GTF2F2: variants seen among roughly 807,000 people sequenced by gnomAD.
The protein encoded by GTF2F2 is general transcription factor IIF subunit 2, also known as ATP-dependent helicase GTF2F2.
GTF2F2 carries 23 observed loss-of-function variants against 42.2 expected under a neutral mutation model. The ratio of observed to expected loss-of-function variants is 0.55; its 90% CI spans 0.39 to 0.77. The LOEUF is 0.77. Ranked by LOEUF, GTF2F2 falls within the 30% of genes least tolerant of loss-of-function variation. The pLI, the probability that GTF2F2 is intolerant of heterozygous loss-of-function variation, is 0.00. For synonymous variants in GTF2F2, 105 were observed against 100.8 expected, an observed-to-expected ratio of 1.04 and a Z score of -0.25; for missense variants, 261 against 287.2, an observed-to-expected ratio of 0.91 and a Z score of 0.66.
At chr13:45,134,396 G>A (rs915292558) in intron 1 of GTF2F2, among the ~76,000 whole-genome samples, 1 of 151,976 alleles carries the variant, frequency 6.6e-6, no homozygotes, top group African/African-American at 2.4e-5. Context: ...CTGAGGTGGG[G>A]GTCTGCCAAA....
intron 1 of GTF2F2, among the ~76,000 whole-genome samples, chr13:45,129,189 A>G (rs898758298): frequency 6.6e-6 from 1 of 151,864 alleles, no homozygotes; most frequent in African/African-American, 2.4e-5. Context: ...AAAATGTCCT[A>G]CTCTACTATT....
intron 5 of GTF2F2, among the ~76,000 whole-genome samples, chr13:45,211,882 G>A (rs1314309850): frequency 6.6e-6 from 1 of 152,122 alleles, no homozygotes; most frequent in Non-Finnish European, 1.5e-5. Context: ...CACTGCGCCA[G>A]CCCAGGCTCA....
At chr13:45,275,231 G>A (rs1480005862) in intron 7 of GTF2F2, among the ~76,000 whole-genome samples, 2 of 152,124 alleles carry the variant, frequency 1.3e-5, no homozygotes, top group Non-Finnish European at 2.9e-5. Context: ...CTCAGTATGA[G>A]AGATTGGCTC....
chr13:45,134,498 T>C (rs1869516323), intron 1 of GTF2F2, among the ~76,000 whole-genome samples: 1 of 152,162 alleles, frequency 6.6e-6, no homozygotes, highest in Non-Finnish European at 1.5e-5. Flanking sequence ...ACCTTAAAGC[T>C]ACCTCTGGAA....
At chr13:45,191,224 A>AAAAAAAAAAAT in intron 4 of GTF2F2, among the ~76,000 whole-genome samples, 31 of 75,310 alleles carry the variant, frequency 4.1e-4, no homozygotes, top group African/African-American at 3.0e-3. Context: ...ACAAAAAAAA[A>AAAAAAAAAAAT]ATATATATAT....
chr13:45,265,181 C>T (rs1386075544), intron 6 of GTF2F2, among the ~76,000 whole-genome samples: 1 of 151,962 alleles, frequency 6.6e-6, no homozygotes, highest in Non-Finnish European at 1.5e-5. Context: ...ATCACTTGAA[C>T]CCAGGAGGTG....
At chr13:45,263,186 T>G (rs1056079754) in intron 6 of GTF2F2, among the ~76,000 whole-genome samples, 10 of 152,168 alleles carry the variant, frequency 6.6e-5, no homozygotes, top group Non-Finnish European at 1.5e-4. Context: ...TGTTTCTGTT[T>G]TGTTCTTGCT....
intron 1 of GTF2F2, 48 bp from the exon 2 acceptor site, chr13:45,136,685 A>C (rs936259854): frequency 1.1e-6 from 1 of 950,422 alleles, no homozygotes; most frequent in South Asian, 1.4e-5. Flanking sequence ...ATGTTTGAAA[A>C]GATGTTAGCA....
intron 4 of GTF2F2, among the ~76,000 whole-genome samples, chr13:45,168,903 C>CCTT (rs1871447821): frequency 2.2e-4 from 2 of 8,912 alleles, no homozygotes; most frequent in Non-Finnish European, 2.8e-3. Flanking sequence ...CTCCCTCCCT[C>CCTT]CCTCCTCCTT....
At chr13:45,260,757 C>T (rs148000970) in intron 6 of GTF2F2, among the ~76,000 whole-genome samples, 187 of 152,316 alleles carry the variant, frequency 1.2e-3, no homozygotes, top group African/African-American at 3.6e-3. Context: ...TGGTGGTTCA[C>T]ACCTGTAATC....
chr13:45,262,575 G>A (rs1384797791), intron 6 of GTF2F2, among the ~76,000 whole-genome samples: 1 of 151,856 alleles, frequency 6.6e-6, no homozygotes, highest in Non-Finnish European at 1.5e-5. Flanking sequence ...CTACAGGTGA[G>A]TGCCACCACA....
At chr13:45,259,372 G>A (rs1317708341) in intron 6 of GTF2F2, among the ~76,000 whole-genome samples, 3 of 152,220 alleles carry the variant, frequency 2.0e-5, no homozygotes, top group East Asian at 3.9e-4. Flanking sequence ...GTTGCAGTGA[G>A]CCAAGGTCAT....
At chr13:45,204,367 A>G (rs1333733053) in intron 4 of GTF2F2, among the ~76,000 whole-genome samples, 1 of 152,178 alleles carries the variant, frequency 6.6e-6, no homozygotes, top group Non-Finnish European at 1.5e-5. Context: ...TCTTTTACAT[A>G]GTAGGCACTC....
intron 5 of GTF2F2, among the ~76,000 whole-genome samples, chr13:45,243,411 G>A (rs1249035748): frequency 2.0e-5 from 3 of 152,096 alleles, no homozygotes; most frequent in Admixed American, 6.5e-5. Context: ...TCTAGGTTGC[G>A]TGCTCCTTAT....
intron 4 of GTF2F2, among the ~76,000 whole-genome samples, chr13:45,190,230 C>T (rs1253653308): frequency 6.6e-6 from 1 of 152,164 alleles, no homozygotes; most frequent in Non-Finnish European, 1.5e-5. Flanking sequence ...TTTATGCAGC[C>T]AACAGACATG....
At chr13:45,240,374 G>GAT (rs1025477918) in intron 5 of GTF2F2, among the ~76,000 whole-genome samples, 7 of 152,054 alleles carry the variant, frequency 4.6e-5, no homozygotes, top group Non-Finnish European at 1.0e-4. Context: ...CTGGAATATA[G>GAT]ATATATATAG....
At chr13:45,273,655 A>AATTTTTTTTTTTTTTT (rs1555273613) in intron 7 of GTF2F2, among the ~76,000 whole-genome samples, 1 of 123,884 alleles carries the variant, frequency 8.1e-6, no homozygotes, top group African/African-American at 3.5e-5. Flanking sequence ...GAGTGGTAAA[A>AATTTTTTTTTTTTTTT]TTTTTTTTTT....
intron 2 of GTF2F2, among the ~76,000 whole-genome samples, chr13:45,137,072 G>A (rs1395093176): frequency 6.6e-6 from 1 of 152,186 alleles, no homozygotes; most frequent in African/African-American, 2.4e-5. Context: ...CGGTGAAGCA[G>A]CAGATTATGT....
At position 45,121,288 on chromosome 13, in the gene GTF2F2, C is replaced by T. The variant is rs944439496; in HGVS notation, c.66+567C>T. On this transcript the variant is annotated intron_variant, in intron 1 of 7. Coordinates refer to ENST00000340473, the MANE Select transcript of GTF2F2 (RefSeq NM_004128.3). ...ATTTGGGTCTCGTGAAACTGGCCGT[C>T]AATAAACGTTTTATGTGAAGACAGC... Among the ~76,000 whole-genome samples, 11 of 152,282 alleles carry T rather than the reference C, an allele frequency of 7.2e-5. No homozygotes were observed. In the South Asian group the frequency reaches 1.0e-3, roughly 14 times the overall value.
Sources: allele counts gnomAD v4.1 joint callset (sites outside exome capture counted in the v4.1 genomes callset), GRCh38; gene constraint gnomAD v4.1.1; transcripts MANE v1.5; gene names NCBI Gene and HGNC (gene_info 2026-07-23, HGNC 2026-07-21).